GRM7: variants seen among roughly 807,000 people sequenced by gnomAD.
GRM7 encodes glutamate metabotropic receptor 7.
In GRM7, 35 loss-of-function variants were observed where a neutral mutation model predicts 84.5. The observed-to-expected ratio is 0.41, with a 90% CI of 0.32 to 0.55. The LOEUF (loss-of-function observed/expected upper bound fraction) is 0.55, where lower values mean the gene tolerates loss of function less well. GRM7 is among the 20% of genes least tolerant of loss of function. The pLI, the probability that GRM7 is intolerant of heterozygous loss-of-function variation, is 0.19. For synonymous variants in GRM7, 487 were observed against 455.1 expected, an observed-to-expected ratio of 1.07 and a Z score of -0.89; for missense variants, 1,003 against 1,194.6, an observed-to-expected ratio of 0.84 and a Z score of 2.36.
intron 1 of GRM7, among the ~76,000 whole-genome samples, chr3:7,028,005 G>A (rs1696043509): frequency 6.6e-6 from 1 of 151,994 alleles, no homozygotes; most frequent in Admixed American, 6.6e-5. Context: ...ATGACTGATA[G>A]TAAATCTTAT....
chr3:7,452,873 A>C, intron 6 of GRM7, 66 bp downstream of exon 6: 1 of 955,556 alleles, frequency 1.0e-6, no homozygotes, highest in Non-Finnish European at 1.6e-6. Context: ...ATAAGTTTTA[A>C]ATGTCTATTA....
chr3:7,609,706 C>A (rs559754068), intron 8 of GRM7, among the ~76,000 whole-genome samples: 50 of 152,240 alleles, frequency 3.3e-4, no homozygotes, highest in African/African-American at 1.2e-3. Flanking sequence ...TGGATGAAAT[C>A]ATCACCTAGA....
intron 1 of GRM7, among the ~76,000 whole-genome samples, chr3:6,889,900 C>G (rs1391027471): frequency 6.6e-6 from 1 of 152,230 alleles, no homozygotes; most frequent in Non-Finnish European, 1.5e-5. Flanking sequence ...ATTATTGCCA[C>G]AATTTCAGAG....
At chr3:7,103,516 T>C (rs1699180064) in intron 1 of GRM7, among the ~76,000 whole-genome samples, 1 of 151,806 alleles carries the variant, frequency 6.6e-6, no homozygotes, top group Non-Finnish European at 1.5e-5. Flanking sequence ...TAAAATTGTT[T>C]TGGGCCAATG....
intron 1 of GRM7, among the ~76,000 whole-genome samples, chr3:7,020,330 C>A (rs1695731264): frequency 6.6e-6 from 1 of 152,078 alleles, no homozygotes; most frequent in Non-Finnish European, 1.5e-5. Context: ...GTAAAAAGAT[C>A]AAGGATTGTT....
At chr3:7,042,053 C>T (rs1696641969) in intron 1 of GRM7, among the ~76,000 whole-genome samples, 1 of 152,166 alleles carries the variant, frequency 6.6e-6, no homozygotes, top group African/African-American at 2.4e-5. Flanking sequence ...TTCCCTACCT[C>T]CCATACCTCG....
At chr3:7,658,672 T>C (rs1238186721) in intron 8 of GRM7, among the ~76,000 whole-genome samples, 2 of 152,180 alleles carry the variant, frequency 1.3e-5, no homozygotes, top group South Asian at 2.1e-4. Context: ...ATTCTGTAAG[T>C]AGGAATAACA....
At chr3:7,734,249 G>GT (rs1192253685) in intron 9 of GRM7, among the ~76,000 whole-genome samples, 2 of 115,138 alleles carry the variant, frequency 1.7e-5, no homozygotes, top group Non-Finnish European at 3.4e-5. Flanking sequence ...GGCAGGGGCG[G>GT]GGGGGGGGTT....
chr3:7,067,148 A>G (rs969504729), intron 1 of GRM7, among the ~76,000 whole-genome samples: 2 of 152,000 alleles, frequency 1.3e-5, no homozygotes, highest in African/African-American at 4.8e-5. Flanking sequence ...CCTCTTCAAC[A>G]TAGTACTGGA....
At chr3:7,547,755 A>G (rs186285317) in intron 7 of GRM7, among the ~76,000 whole-genome samples, 59 of 152,336 alleles carry the variant, frequency 3.9e-4, no homozygotes, top group Middle Eastern at 3.4e-3. Context: ...CATGTACAAA[A>G]GGAAAAAATA....
rs1400912856 is a variant in GRM7, at chr3:7,320,154, TTG to T, written c.1033+13512_1033+13513del. 2.6e-5 allele frequency among the ~76,000 whole-genome samples: 4 copies of T among 151,866 alleles called. No homozygotes were observed. The East Asian group carries it at 7.7e-4, about 29-fold the overall frequency. ...GCATGGAAATGTACAGTACCTGTGTTTGTGTGTGTGTTTGTGTGTATCTATGT... is the reference window on the plus strand; with the variant it reads ...GCATGGAAATGTACAGTACCTGTGTTTGTGTGTGTTTGTGTGTATCTATGT... On this transcript the variant is annotated intron_variant, in intron 4 of 9. Coordinates refer to ENST00000357716, the MANE Select transcript of GRM7 (RefSeq NM_000844.4).
chr3:7,699,209 C>A (rs1445138971), intron 9 of GRM7, among the ~76,000 whole-genome samples: 1 of 152,154 alleles, frequency 6.6e-6, no homozygotes, highest in African/African-American at 2.4e-5. Flanking sequence ...AAAGATTCTA[C>A]ATCTAGGGAA....
chr3:6,915,557 G>C (rs1047548706), intron 1 of GRM7, among the ~76,000 whole-genome samples: 2 of 152,094 alleles, frequency 1.3e-5, no homozygotes, highest in Non-Finnish European at 2.9e-5. Context: ...AAAATCGCTT[G>C]GTTCTATGCA....
intron 1 of GRM7, among the ~76,000 whole-genome samples, chr3:7,129,706 G>T (rs1041333807): frequency 1.3e-5 from 2 of 152,156 alleles, no homozygotes; most frequent in Admixed American, 6.5e-5. Context: ...ACTGAGAATG[G>T]AATTGACATT....
intron 7 of GRM7, among the ~76,000 whole-genome samples, chr3:7,567,548 G>A (rs1694361938): frequency 6.6e-6 from 1 of 151,844 alleles, no homozygotes; most frequent in African/African-American, 2.4e-5. Context: ...AGGAGTTTGA[G>A]ACCAGCCTGG....
At chr3:7,183,312 A>G (rs1385355426) in intron 2 of GRM7, among the ~76,000 whole-genome samples, 1 of 152,200 alleles carries the variant, frequency 6.6e-6, no homozygotes, top group East Asian at 1.9e-4. Flanking sequence ...GCATTTGGTC[A>G]CTTATATTTA....
intron 9 of GRM7, among the ~76,000 whole-genome samples, chr3:7,690,205 C>T (rs1208839176): frequency 6.6e-6 from 1 of 152,044 alleles, no homozygotes; most frequent in Non-Finnish European, 1.5e-5. Flanking sequence ...CAGGAAGCAG[C>T]CTGAGGGTAG....
At chr3:7,130,959 A>C (rs914126096) in intron 1 of GRM7, among the ~76,000 whole-genome samples, 3 of 152,108 alleles carry the variant, frequency 2.0e-5, no homozygotes, top group African/African-American at 7.2e-5. Context: ...ACACACACAC[A>C]CGCACACACG....
At chr3:7,267,662 C>A (rs1038186684) in intron 2 of GRM7, among the ~76,000 whole-genome samples, 14 of 152,212 alleles carry the variant, frequency 9.2e-5, no homozygotes, top group African/African-American at 3.4e-4. Flanking sequence ...GATAAAGTCT[C>A]GAATCCATCT....
Sources: gnomAD v4.1 joint callset for allele counts (sites outside exome capture counted in the v4.1 genomes callset) on GRCh38, gnomAD v4.1.1 for gene constraint, MANE v1.5 for transcripts, NCBI Gene and HGNC (gene_info 2026-07-23, HGNC 2026-07-21) for gene names.